The following ARHGAP44 variants were observed in gnomAD, a reference collection of about 807,000 sequenced individuals.
ARHGAP44 encodes the protein rho GTPase-activating protein 44.
In ARHGAP44, 43 loss-of-function variants were observed where a neutral mutation model predicts 106.8. The observed-to-expected ratio is 0.40, with a 90% CI of 0.32 to 0.52. The LOEUF (loss-of-function observed/expected upper bound fraction) is 0.52, where lower values mean the gene tolerates loss of function less well. Ranked by LOEUF, ARHGAP44 falls within the 20% of genes least tolerant of loss-of-function variation. The probability of loss-of-function intolerance (pLI) is 0.48; values close to 1 mark genes in which losing one functional copy is unlikely to be tolerated. For missense variants in ARHGAP44, 866 were observed against 1,050.5 expected (o/e 0.82, Z 2.43); for synonymous variants, 439 against 410.3 (o/e 1.07, Z -0.85).
intron 5 of ARHGAP44, among the ~76,000 whole-genome samples, chr17:12,918,754 G>A (rs377413810): frequency 7.9e-4 from 120 of 152,184 alleles, no homozygotes; most frequent in Middle Eastern, 3.4e-3. Context: ...ACATGACTGC[G>A]TGGCTCCCTT....
intron 1 of ARHGAP44, among the ~76,000 whole-genome samples, chr17:12,877,059 C>T (rs1247813399): frequency 6.6e-6 from 1 of 152,074 alleles, no homozygotes; most frequent in Non-Finnish European, 1.5e-5. Flanking sequence ...ACAGTTTTGT[C>T]AGTGTTGCAA....
chr17:12,945,038 TCTCA>T (rs2038816249), intron 10 of ARHGAP44, among the ~76,000 whole-genome samples: 1 of 150,884 alleles, frequency 6.6e-6, no homozygotes, highest in Non-Finnish European at 1.5e-5. Flanking sequence ...TGAGATGGAG[TCTCA>T]CTCTGTCACC....
intron 1 of ARHGAP44, among the ~76,000 whole-genome samples, chr17:12,867,060 T>C (rs2322652): frequency 1 from 150,829 of 151,500 alleles, 75,082 homozygotes; most frequent in East Asian, 1. Context: ...AACAGTGTGG[T>C]TTGGAGATTG....
chr17:12,977,181 G>A (rs111849737), intron 18 of ARHGAP44, among the ~76,000 whole-genome samples: 9 of 151,990 alleles, frequency 5.9e-5, no homozygotes, highest in Admixed American at 1.3e-4. Flanking sequence ...CCCTTTGCCC[G>A]GGCTGACCGG....
intron 1 of ARHGAP44, among the ~76,000 whole-genome samples, chr17:12,876,756 CA>C (rs1278432215): frequency 6.6e-6 from 1 of 151,466 alleles, no homozygotes; most frequent in Non-Finnish European, 1.5e-5. Flanking sequence ...ACTAAAAATA[CA>C]AAAATTAGCT....
At chr17:12,980,636 TAC>T (rs1393153297) in intron 19 of ARHGAP44, among the ~76,000 whole-genome samples, 2 of 152,196 alleles carry the variant, frequency 1.3e-5, no homozygotes, top group Non-Finnish European at 2.9e-5. Flanking sequence ...AGATCACTCG[TAC>T]AGGGTGACAG....
At position 12,896,473 on chromosome 17, in the gene ARHGAP44, C is replaced by T. The variant is rs1327536785; in HGVS notation, c.160C>T (p.Leu54=). 4 of 1,609,432 alleles carry T rather than the reference C, an allele frequency of 2.5e-6. No homozygotes were observed. Among genetic ancestry groups the T allele is most frequent in the Non-Finnish European group, 3.4e-6 (4 of 1,178,174 alleles). ...CACGCACAAGAAGCTCACCGCATGT[C>T]TGCAGGGCCAGCAAGGGGCAGAGGC... ...HSTHKKLTAC[L]QGQQGAEADK... Residue 54 remains leucine, a synonymous_variant, in exon 3 of 21, where the codon CTG becomes TTG. Coordinates refer to ENST00000379672, the MANE Select transcript of ARHGAP44 (RefSeq NM_014859.6).
At chr17:12,950,472 A>G (rs2038966431) in intron 12 of ARHGAP44, among the ~76,000 whole-genome samples, 1 of 152,176 alleles carries the variant, frequency 6.6e-6, no homozygotes, top group Non-Finnish European at 1.5e-5. Flanking sequence ...AGGCAAAGCC[A>G]CTAGCCCAGC....
intron 17 of ARHGAP44, chr17:12,973,711 C>CCAGT: frequency 2.1e-6 from 1 of 480,596 alleles, no homozygotes; most frequent in South Asian, 2.9e-5. Context: ...CCCTGCCCCC[C>CCAGT]CAGTTAGGCC....
In ARHGAP44 at chr17:12,885,566, C is replaced by G. The variant is rs1454450784; in HGVS notation, c.54-9374C>G. ...GTTTGTGTGTGTGTGTGTTGTCACT[C>G]AAATACTAGTATCTCATTTTGCTCT... On this transcript the variant is annotated intron_variant, in intron 1 of 20. Coordinates refer to ENST00000379672, the MANE Select transcript of ARHGAP44 (RefSeq NM_014859.6). 1.3e-5 allele frequency among the ~76,000 whole-genome samples: 2 copies of G among 151,934 alleles called. 1 individual carries two copies. The highest frequency in any genetic ancestry group is 2.9e-5 in the Non-Finnish European group (2 of 67,964).
Position 12,980,185 on chromosome 17 carries a change from A to T in ARHGAP44, c.1891A>T (p.Ser631Cys). Residue 631 changes from serine (S) to cysteine (C), a missense_variant, in exon 19 of 21, where the codon AGC (serine) becomes TGC (cysteine). Coordinates refer to ENST00000379672, the MANE Select transcript of ARHGAP44 (RefSeq NM_014859.6). ...TGGAGCTCAGCCGGGCGCCAGCCCC[A>T]GCCCCAGCCAGCCGCCTGCAGACCA... ...QPGAQPGASP[S>C]PSQPPADQSP... 1 of 1,613,470 alleles carries T rather than the reference A, an allele frequency of 6.2e-7. No individual in the cohort carries two copies. Among genetic ancestry groups the T allele is most frequent in the Non-Finnish European group, 8.5e-7 (1 of 1,179,848 alleles).
intron 1 of ARHGAP44, among the ~76,000 whole-genome samples, chr17:12,843,697 C>T (rs1006323505): frequency 1.2e-4 from 17 of 147,250 alleles, no homozygotes; most frequent in African/African-American, 4.3e-4. Context: ...CGTCTGTCAC[C>T]CAGGCTGGAG....
At chr17:12,933,490 A>C (rs1225586107) in intron 7 of ARHGAP44, among the ~76,000 whole-genome samples, 1 of 152,176 alleles carries the variant, frequency 6.6e-6, no homozygotes, top group Non-Finnish European at 1.5e-5. Context: ...AGCCCATCCA[A>C]ACCCTGCCTT....
At chr17:12,952,359 A>T in intron 12 of ARHGAP44, 142 bp from the exon 13 acceptor site, 1 of 700,378 alleles carries the variant, frequency 1.4e-6, no homozygotes, top group Non-Finnish European at 2.4e-6. Context: ...AAATAATAAC[A>T]ACCAAATTTT....
At chr17:12,939,132 C>T (rs2038635208) in intron 7 of ARHGAP44, among the ~76,000 whole-genome samples, 1 of 152,146 alleles carries the variant, frequency 6.6e-6, no homozygotes, top group Non-Finnish European at 1.5e-5. Flanking sequence ...GGGTTGATTC[C>T]CACCTTGGCA....
intron 1 of ARHGAP44, among the ~76,000 whole-genome samples, chr17:12,875,741 C>T (rs900317987): frequency 6.6e-5 from 10 of 151,926 alleles, no homozygotes; most frequent in South Asian, 4.2e-4. Context: ...GTCAGGAGTT[C>T]GAGACCAGCC....
intron 1 of ARHGAP44, among the ~76,000 whole-genome samples, chr17:12,868,493 T>G (rs2150877622): frequency 6.7e-6 from 1 of 149,908 alleles, no homozygotes; most frequent in East Asian, 2.0e-4. Flanking sequence ...ACATGCAAGA[T>G]CGTGGAGAAA....
At chr17:12,852,581 G>A (rs1257813302) in intron 1 of ARHGAP44, among the ~76,000 whole-genome samples, 2 of 144,758 alleles carry the variant, frequency 1.4e-5, no homozygotes, top group South Asian at 2.2e-4. Context: ...TTGCTCTGTT[G>A]CCCAGGCTGG....
intron 1 of ARHGAP44, among the ~76,000 whole-genome samples, chr17:12,794,625 G>A (rs989247716): frequency 7.2e-5 from 11 of 152,178 alleles, no homozygotes; most frequent in Admixed American, 3.3e-4. Context: ...GTTGAATTGT[G>A]TGGATTTAGA....
Sources: allele counts gnomAD v4.1 joint callset (sites outside exome capture counted in the v4.1 genomes callset), GRCh38; gene constraint gnomAD v4.1.1; transcripts MANE v1.5; gene names NCBI Gene and HGNC (gene_info 2026-07-23, HGNC 2026-07-21).